Variants in CSMD1 observed in about 807,000 individuals in gnomAD.
CSMD1 encodes CUB and Sushi multiple domains 1.
A neutral mutation model predicts 417.5 loss-of-function variants in CSMD1; 213 were observed. The observed-to-expected ratio is 0.51, with a 90% CI of 0.46 to 0.57. The LOEUF (loss-of-function observed/expected upper bound fraction) is 0.57. Ranked by LOEUF, CSMD1 falls within the 20% of genes least tolerant of loss-of-function variation. The probability of loss-of-function intolerance (pLI) is 0.00; values close to 1 mark genes in which losing one functional copy is unlikely to be tolerated. For missense variants in CSMD1, 6,923 were observed against 4,529.7 expected (o/e 1.53, Z -15.17); for synonymous variants, 2,862 against 1,736.8 (o/e 1.65, Z -16.11).
chr8:3,609,716 A>C (rs1017655078), intron 8 of CSMD1, among the ~76,000 whole-genome samples: 1 of 129,148 alleles, frequency 7.7e-6, no homozygotes, highest in African/African-American at 2.9e-5. Flanking sequence ...CATGTTAGTC[A>C]TTAGTTTTGA....
chr8:3,676,717 G>A (rs950811698), intron 7 of CSMD1, among the ~76,000 whole-genome samples: 3 of 152,102 alleles, frequency 2.0e-5, no homozygotes, highest in African/African-American at 7.2e-5. Context: ...CAAACTCAGT[G>A]TGATCATTGA....
chr8:4,899,752 A>C (rs531611611), intron 1 of CSMD1, among the ~76,000 whole-genome samples: 50 of 152,320 alleles, frequency 3.3e-4, no homozygotes, highest in African/African-American at 1.2e-3. Context: ...GAAAAGAAAA[A>C]GCTAGAATGC....
At chr8:4,071,181 C>T (rs1032847043) in intron 3 of CSMD1, among the ~76,000 whole-genome samples, 1 of 151,728 alleles carries the variant, frequency 6.6e-6, no homozygotes, top group African/African-American at 2.4e-5. Flanking sequence ...ATAGTTTCTC[C>T]CTTATTCTCC....
intron 5 of CSMD1, among the ~76,000 whole-genome samples, chr8:3,984,706 T>TTC (rs145379728): frequency 0.5 from 23,202 of 46,740 alleles, 3,648 homozygotes; most frequent in Middle Eastern, 0.52. Context: ...GTATATATCA[T>TTC]ATATATATAT....
At chr8:4,107,121 A>T (rs1160094727) in intron 3 of CSMD1, among the ~76,000 whole-genome samples, 3 of 152,164 alleles carry the variant, frequency 2.0e-5, no homozygotes, top group African/African-American at 4.8e-5. Context: ...AGGACTAACA[A>T]CCAAGCATAG....
chr8:4,442,823 A>G (rs1210034164), intron 2 of CSMD1, among the ~76,000 whole-genome samples: 2 of 152,200 alleles, frequency 1.3e-5, no homozygotes, highest in African/African-American at 4.8e-5. Context: ...AAACTGAAAT[A>G]TGTAAGTTGC....
intron 3 of CSMD1, among the ~76,000 whole-genome samples, chr8:4,415,242 C>T (rs765404135): frequency 2.4e-4 from 36 of 152,122 alleles, no homozygotes; most frequent in Admixed American, 3.9e-4. Flanking sequence ...CAGCCTCCAT[C>T]AACTCCGCCT....
intron 1 of CSMD1, among the ~76,000 whole-genome samples, chr8:4,768,917 C>T (rs753911846): frequency 1.3e-5 from 2 of 152,298 alleles, no homozygotes; most frequent in Non-Finnish European, 2.9e-5. Context: ...TCTTGATAGA[C>T]GTTATTGATT....
chr8:3,004,837 C>T (rs1042437190), intron 52 of CSMD1, among the ~76,000 whole-genome samples: 2 of 152,168 alleles, frequency 1.3e-5, no homozygotes, highest in African/African-American at 2.4e-5. Flanking sequence ...CAAAATATGT[C>T]ATTGGAATAA....
chr8:4,647,957 T>C (rs1803643271), intron 1 of CSMD1, among the ~76,000 whole-genome samples: 1 of 152,180 alleles, frequency 6.6e-6, no homozygotes, highest in Non-Finnish European at 1.5e-5. Context: ...GGTCAAATGG[T>C]ATTTCTGGTT....
chr8:3,677,083 A>T (rs905565913), intron 7 of CSMD1, among the ~76,000 whole-genome samples: 1 of 152,152 alleles, frequency 6.6e-6, no homozygotes, highest in Admixed American at 6.6e-5. Context: ...CATTGGGTAG[A>T]TAGGTGCAAC....
intron 2 of CSMD1, among the ~76,000 whole-genome samples, chr8:4,427,951 A>T (rs1248021265): frequency 6.6e-6 from 1 of 152,172 alleles, no homozygotes; most frequent in Non-Finnish European, 1.5e-5. Context: ...TATGTTTTCA[A>T]ATGTTTTTCT....
intron 8 of CSMD1, among the ~76,000 whole-genome samples, chr8:3,610,121 C>T (rs80113388): frequency 0.016 from 2,443 of 152,130 alleles, 43 homozygotes; most frequent in Non-Finnish European, 0.023. Flanking sequence ...ATATGAGAGG[C>T]CCACCATGTG....
intron 2 of CSMD1, among the ~76,000 whole-genome samples, chr8:4,626,604 C>T (rs181940379): frequency 6.6e-6 from 1 of 152,040 alleles, no homozygotes; most frequent in African/African-American, 2.4e-5. Context: ...CAGTCAGGGT[C>T]AGGACCGCAG....
chr8:4,824,691 A>G (rs1585163766), intron 1 of CSMD1, among the ~76,000 whole-genome samples: 1 of 152,192 alleles, frequency 6.6e-6, no homozygotes, highest in Non-Finnish European at 1.5e-5. Context: ...ACACATTTCT[A>G]TCCACTGAAA....
intron 3 of CSMD1, among the ~76,000 whole-genome samples, chr8:4,276,013 A>T (rs1796465837): frequency 1.3e-5 from 2 of 152,222 alleles, no homozygotes; most frequent in African/African-American, 4.8e-5. Context: ...ATGCTTTTAC[A>T]ATGTTGGTGG....
intron 1 of CSMD1, among the ~76,000 whole-genome samples, chr8:4,656,522 C>T (rs945004935): frequency 6.8e-6 from 1 of 146,926 alleles, no homozygotes; most frequent in East Asian, 1.9e-4. Flanking sequence ...GGGATTCTGA[C>T]AACTTTGGGT....
intron 3 of CSMD1, among the ~76,000 whole-genome samples, chr8:4,372,503 GA>G (rs1275653383): frequency 3.3e-5 from 5 of 149,592 alleles, no homozygotes; most frequent in African/African-American, 2.5e-5. Flanking sequence ...ACAAAAAACA[GA>G]AAAAAAGTCC....
intron 2 of CSMD1, among the ~76,000 whole-genome samples, chr8:4,525,203 C>G (rs976867166): frequency 2.0e-5 from 3 of 151,962 alleles, no homozygotes; most frequent in Non-Finnish European, 2.9e-5. Context: ...CCCCACCTAC[C>G]AACAAAAAAG....
Sources: allele counts gnomAD v4.1 joint callset (sites outside exome capture counted in the v4.1 genomes callset), GRCh38; gene constraint gnomAD v4.1.1; transcripts MANE v1.5; gene names NCBI Gene and HGNC (gene_info 2026-07-23, HGNC 2026-07-21).